SMPD4: variants seen among roughly 807,000 people sequenced by gnomAD.
The protein encoded by SMPD4 is neutral sphingomyelinase 3.
In SMPD4, 58 loss-of-function variants were observed where a neutral mutation model predicts 97.8. That is an observed-to-expected ratio of 0.59 (90% CI 0.48 to 0.74). SMPD4 has a LOEUF of 0.74. Among genes scored for constraint, SMPD4 ranks in the 30% least tolerant of loss-of-function variants. SMPD4 has a pLI of 0.00. For synonymous variants in SMPD4, 388 were observed against 450.0 expected (o/e 0.86, Z 1.74); for missense variants, 853 against 1,080.5 (o/e 0.79, Z 2.95).
At position 130,156,054 on chromosome 2, in the gene SMPD4, G is replaced by T. The variant is rs534111999; in HGVS notation, c.1270C>A (p.Arg424=). 1 of 1,611,350 alleles carries T rather than the reference G, an allele frequency of 6.2e-7. No individual in the cohort carries two copies. Among genetic ancestry groups the T allele is most frequent in the African/African-American group, 1.3e-5 (1 of 74,892 alleles). ...KQAPGSDSQP[R]CVSEKWAPFV... ...GCTCACCATTTCTCCGACACACACC[G>T]GGGCTGGGAGTCGCTGCCCGGAGCC... The change falls in exon 14 of 20, where the codon CGG becomes AGG. Residue 424 remains arginine, a synonymous_variant. Coordinates refer to ENST00000680298, the MANE Select transcript of SMPD4 (RefSeq NM_017951.5).
At chr2:130,180,433 G>A (rs183206810) in intron 1 of SMPD4, among the ~76,000 whole-genome samples, 271 of 151,932 alleles carry the variant, frequency 1.8e-3, no homozygotes, top group African/African-American at 6.3e-3. Flanking sequence ...TACCACGCCC[G>A]GCTAATTTTT....
intron 19 of SMPD4, 76 bp downstream of exon 19, chr2:130,152,967 C>CCCCAGGACTGCACCCCAGGCAGGAG (rs1686379608): frequency 1.3e-6 from 2 of 1,564,272 alleles, no homozygotes; most frequent in African/African-American, 2.7e-5. Context: ...TCACAGGCCA[C>CCCCAGGACTGCACCCCAGGCAGGAG]CCCAGGACTG....
rs1686322843 is a variant in SMPD4 at position 130,152,459 on chromosome 2, G to GTGT, written c.*93_*95dup. 7.7e-7 allele frequency: 1 copy of GTGT among 1,300,802 alleles called. No individual in the cohort carries two copies. Among genetic ancestry groups the GTGT allele is most frequent in the African/African-American group, 1.5e-5 (1 of 67,024 alleles). 80.6% of individuals were successfully genotyped at this position (1,300,802 alleles called of 1,614,324 possible). ...CCGCTCCAGAAGCCCGAGGATGACC[G>GTGT]TGTTCCCTCCTGGAGGGGCTTCCCA... On this transcript the variant is annotated 3_prime_UTR_variant, in exon 20 of 20. Coordinates refer to ENST00000680298, the MANE Select transcript of SMPD4 (RefSeq NM_017951.5).
intron 1 of SMPD4, chr2:130,181,191 G>T: frequency 9.8e-7 from 1 of 1,025,326 alleles, no homozygotes; most frequent in Non-Finnish European, 1.2e-6. Context: ...ACCCACACCC[G>T]GCTCTTACAC....
At chr2:130,154,190 C>G in intron 16 of SMPD4, 87 bp downstream of exon 16, 1 of 1,441,108 alleles carries the variant, frequency 6.9e-7, no homozygotes, top group South Asian at 1.4e-5. Context: ...AGCCTCCCTC[C>G]TTCCTGCTGG....
intron 3 of SMPD4, among the ~76,000 whole-genome samples, chr2:130,174,552 C>T (rs568982878): frequency 6.6e-6 from 1 of 152,178 alleles, no homozygotes; most frequent in Admixed American, 6.5e-5. Context: ...ACATTTTGGG[C>T]TAGATACTTC....
At chr2:130,174,863 T>C in intron 3 of SMPD4, 51 bp downstream of exon 3, 3 of 1,363,918 alleles carry the variant, frequency 2.2e-6, no homozygotes, top group Non-Finnish European at 3.1e-6. Context: ...ATAAAGTTCT[T>C]CAACGAATGT....
At chr2:130,157,708 G>A (rs569997811) in intron 11 of SMPD4, 16 of 420,736 alleles carry the variant, frequency 3.8e-5, no homozygotes, top group Middle Eastern at 7.2e-4. Flanking sequence ...GCTTCTGCAC[G>A]GCTGCAAATC....
rs1688828504 is a variant in SMPD4 at position 130,174,934 on chromosome 2, T to G, written c.106A>C (p.Ile36Leu). The G allele has an allele frequency of 2.5e-6, 4 of 1,607,222 alleles. No individual in the cohort carries two copies. The East Asian group carries it at 9.0e-5, about 36-fold the overall frequency. ...AQQCQDLVKV[I>L]EDFPAKELHT... is the part of the protein sequence containing the mutation. ...TATACCTTTGCTGGAAAGTCCTCAA[T>G]GACTTTAACCAAGTCTTGGCACTGC... Residue 36 changes from isoleucine to leucine, a missense_variant, in exon 3 of 20, where the codon ATT becomes CTT. Physicochemically the swap from Ile to Leu is conservative, Grantham distance 5. Coordinates refer to ENST00000680298, the MANE Select transcript of SMPD4 (RefSeq NM_017951.5).
intron 8 of SMPD4, 30 bp downstream of exon 8, chr2:130,172,319 G>C (rs1313413498): frequency 6.6e-7 from 1 of 1,524,382 alleles, no homozygotes; most frequent in Admixed American, 2.1e-5. Flanking sequence ...CCTTATGGAA[G>C]GGCCAGGTCT....
intron 9 of SMPD4, among the ~76,000 whole-genome samples, chr2:130,164,972 T>C (rs1292777275): frequency 6.6e-6 from 1 of 151,072 alleles, no homozygotes; most frequent in Non-Finnish European, 1.5e-5. Flanking sequence ...CTGGGTGTGG[T>C]GAGGCATCAC....
At chr2:130,165,278 G>A (rs369124809) in intron 9 of SMPD4, among the ~76,000 whole-genome samples, 17 of 151,916 alleles carry the variant, frequency 1.1e-4, no homozygotes, top group East Asian at 7.7e-4. Context: ...AAAATTAGCC[G>A]GGCGTGGTGG....
At chr2:130,154,163 G>A (rs1000285877) in intron 16 of SMPD4, 114 bp downstream of exon 16, 38 of 1,286,162 alleles carry the variant, frequency 3.0e-5, no homozygotes, top group South Asian at 4.7e-5. Context: ...AGGAGATATG[G>A]CGTCAAATCT....
At chr2:130,164,070 G>A (rs756272164) in intron 10 of SMPD4, among the ~76,000 whole-genome samples, 15 of 152,208 alleles carry the variant, frequency 9.9e-5, no homozygotes, top group Non-Finnish European at 1.9e-4. Context: ...CCCAGAGCAA[G>A]AGCACCACAA....
chr2:130,171,289 G>A (rs1486082714), intron 8 of SMPD4, among the ~76,000 whole-genome samples: 1 of 151,772 alleles, frequency 6.6e-6, no homozygotes, highest in Non-Finnish European at 1.5e-5. Flanking sequence ...ATTTTTAGTA[G>A]ACAAGGTTTC....
chr2:130,158,956 C>A (rs1687120363), intron 11 of SMPD4, among the ~76,000 whole-genome samples: 1 of 152,176 alleles, frequency 6.6e-6, no homozygotes, highest in Admixed American at 6.5e-5. Context: ...GTGACACACC[C>A]CAGAGATAAG....
chr2:130,165,804 A>G (rs757243459), intron 9 of SMPD4, among the ~76,000 whole-genome samples: 48 of 152,078 alleles, frequency 3.2e-4, no homozygotes, highest in Non-Finnish European at 1.9e-4. Flanking sequence ...CCCGGCCTTG[A>G]GCAATCCTTT....
chr2:130,157,005 G>A (rs1686870674), intron 12 of SMPD4, among the ~76,000 whole-genome samples: 1 of 152,190 alleles, frequency 6.6e-6, no homozygotes, highest in Non-Finnish European at 1.5e-5. Context: ...TGAAGAATAT[G>A]AGATGCAAGA....
chr2:130,181,234 C>G, intron 1 of SMPD4: 1 of 1,280,704 alleles, frequency 7.8e-7, no homozygotes, highest in South Asian at 2.0e-5. Flanking sequence ...GGCTCAACTT[C>G]AACACAAAGC....
Sources: allele counts gnomAD v4.1 joint callset (sites outside exome capture counted in the v4.1 genomes callset), GRCh38; gene constraint gnomAD v4.1.1; transcripts MANE v1.5; gene names NCBI Gene and HGNC (gene_info 2026-07-23, HGNC 2026-07-21).